FOCAD: variants seen among roughly 807,000 people sequenced by gnomAD.
The protein encoded by FOCAD is focadhesin.
In FOCAD, 198 loss-of-function variants were observed where a neutral mutation model predicts 225.6. The ratio of observed to expected loss-of-function variants is 0.88; its 90% confidence interval spans 0.78 to 0.99. The LOEUF (loss-of-function observed/expected upper bound fraction) is 0.99, where lower values mean the gene tolerates loss of function less well. Among genes scored for constraint, FOCAD ranks in the 50% least tolerant of loss-of-function variants. The pLI is 0.00. For missense variants in FOCAD, 2,713 were observed against 2,123.6 expected (o/e 1.28, Z -5.46); for synonymous variants, 897 against 755.0 (o/e 1.19, Z -3.08).
At position 20,866,917 on chromosome 9, in the gene FOCAD, T is replaced by TTTTAAACAA; in HGVS notation, c.2107-12_2107-11insTTTAAACAA. Reference sequence around the variant, plus strand: ...TTTTTTTTTTTTTTTTTTTTTTTTTTACCCTATCTAGGACCCAATTGTAGC... The same window carrying TTTTAAACAA: ...TTTTTTTTTTTTTTTTTTTTTTTTTTTTTAAACAAACCCTATCTAGGACCCAATTGTAGC... On this transcript the variant is annotated splice_polypyrimidine_tract_variant and intron_variant, in intron 17 of 43. Coordinates refer to ENST00000338382, the MANE Select transcript of FOCAD (RefSeq NM_001375567.1). 1 of 764,972 alleles carries TTTTAAACAA rather than the reference T, an allele frequency of 1.3e-6. No individual in the cohort carries two copies. 47.4% of individuals were successfully genotyped at this position (764,972 alleles called of 1,614,324 possible). A position where few individuals can be genotyped will look rare whatever the true frequency, so the allele number is the denominator to read the frequency against.
intron 15 of FOCAD, among the ~76,000 whole-genome samples, chr9:20,828,513 A>G (rs1485858502): frequency 5.9e-5 from 9 of 151,990 alleles, no homozygotes; most frequent in Non-Finnish European, 1.0e-4. Flanking sequence ...CTGCCAGACT[A>G]TTTTCCATAG....
chr9:20,727,586 T>G (rs1388577118), intron 4 of FOCAD, among the ~76,000 whole-genome samples: 1 of 152,196 alleles, frequency 6.6e-6, no homozygotes, highest in Non-Finnish European at 1.5e-5. Flanking sequence ...ACTGTTTATT[T>G]TGTCCGTGTC....
intron 5 of FOCAD, among the ~76,000 whole-genome samples, chr9:20,751,186 T>G (rs1828508739): frequency 6.6e-6 from 1 of 151,564 alleles, no homozygotes; most frequent in South Asian, 2.1e-4. Context: ...ATACTTTAAG[T>G]TTTAGGGTAC....
chr9:20,878,476 T>C (rs1830407883), intron 19 of FOCAD, among the ~76,000 whole-genome samples: 1 of 152,184 alleles, frequency 6.6e-6, no homozygotes. Context: ...ATAATTAACT[T>C]TCGAACTTCT....
At chr9:20,873,158 T>A (rs919596453) in intron 18 of FOCAD, among the ~76,000 whole-genome samples, 3 of 152,182 alleles carry the variant, frequency 2.0e-5, no homozygotes, top group African/African-American at 7.2e-5. Flanking sequence ...CATGATCATA[T>A]ATTTTCATTT....
At chr9:20,746,824 T>A (rs1348377534) in intron 5 of FOCAD, among the ~76,000 whole-genome samples, 4 of 152,232 alleles carry the variant, frequency 2.6e-5, no homozygotes, top group African/African-American at 9.6e-5. Context: ...GATCACCTGT[T>A]GCCTTTGGTT....
At chr9:20,972,000 G>T (rs1438573400) in intron 35 of FOCAD, among the ~76,000 whole-genome samples, 2 of 151,990 alleles carry the variant, frequency 1.3e-5, no homozygotes, top group African/African-American at 4.8e-5. Flanking sequence ...TCTTTCATCA[G>T]TGGACATTTG....
chr9:20,913,012 A>C (rs984907716), intron 23 of FOCAD, 58 bp downstream of exon 23: 13 of 1,395,936 alleles, frequency 9.3e-6, no homozygotes, highest in Non-Finnish European at 1.2e-5. Context: ...TATGAGGGGA[A>C]AGGTAACTAC....
Position 20,819,839 on chromosome 9 carries a change from C to A in FOCAD, c.1499C>A (p.Pro500Gln). The A allele has an allele frequency of 6.5e-7, 1 of 1,541,568 alleles. No individual in the cohort carries two copies. The highest frequency in any genetic ancestry group is 8.7e-7 in the Non-Finnish European group (1 of 1,146,356). Reference sequence around the variant, plus strand: ...GTTTTGATGTTCAAATTGGGAAGACCACTGGAACCTATATTATATAATGAT... The same window carrying A: ...GTTTTGATGTTCAAATTGGGAAGACAACTGGAACCTATATTATATAATGAT... ...IPVLMFKLGR[P>Q]LEPILYNDIL... The change falls in exon 12 of 44, where the codon CCA becomes CAA. Residue 500 changes from proline (P) to glutamine (Q), a missense_variant. Physicochemically the swap from Pro to Gln is moderately conservative, Grantham distance 76 (BLOSUM62 -1). Coordinates refer to ENST00000338382, the MANE Select transcript of FOCAD (RefSeq NM_001375567.1).
chr9:20,841,897 C>G (rs1052277124), intron 15 of FOCAD, among the ~76,000 whole-genome samples: 31 of 151,784 alleles, frequency 2.0e-4, no homozygotes, highest in African/African-American at 7.5e-4. Context: ...CTACTATTGA[C>G]TTCTATCTTA....
At chr9:20,673,072 C>T (rs1238093158) in intron 2 of FOCAD, among the ~76,000 whole-genome samples, 1 of 152,146 alleles carries the variant, frequency 6.6e-6, no homozygotes, top group African/African-American at 2.4e-5. Context: ...CAATGAATGT[C>T]TGAAAACCAC....
upstream of FOCAD, among the ~76,000 whole-genome samples, chr9:20,679,469 A>G (rs1052277868): frequency 2.6e-5 from 4 of 152,114 alleles, no homozygotes; most frequent in Non-Finnish European, 4.4e-5. Flanking sequence ...TGTGGGTGAC[A>G]TGACCTTCCT....
At chr9:20,818,712 T>C (rs1824001049) in intron 11 of FOCAD, among the ~76,000 whole-genome samples, 1 of 152,124 alleles carries the variant, frequency 6.6e-6, no homozygotes, top group African/African-American at 2.4e-5. Context: ...CTCTGAATTC[T>C]ATTTCATTGA....
intron 8 of FOCAD, among the ~76,000 whole-genome samples, chr9:20,773,421 A>G (rs1036705859): frequency 6.6e-6 from 1 of 152,190 alleles, no homozygotes; most frequent in Non-Finnish European, 1.5e-5. Context: ...CGGCCCAAGT[A>G]TTCTCTATTT....
intron 11 of FOCAD, among the ~76,000 whole-genome samples, chr9:20,815,926 A>T (rs1362948581): frequency 6.6e-6 from 1 of 152,124 alleles, no homozygotes; most frequent in African/African-American, 2.4e-5. Flanking sequence ...TTTTCCACAG[A>T]TGTCTATCTA....
intron 4 of FOCAD, among the ~76,000 whole-genome samples, chr9:20,725,513 G>A (rs943312655): frequency 6.6e-6 from 1 of 152,162 alleles, no homozygotes; most frequent in Non-Finnish European, 1.5e-5. Flanking sequence ...GTAGCTTATT[G>A]AATTTTTTCA....
chr9:20,801,843 G>A (rs1334117441), intron 11 of FOCAD, among the ~76,000 whole-genome samples: 1 of 152,110 alleles, frequency 6.6e-6, no homozygotes, highest in Non-Finnish European at 1.5e-5. Context: ...ATGATTTGGT[G>A]GATTTGGTGG....
rs769734551 is a variant in FOCAD at position 20,781,882 on chromosome 9, C to A, written c.1150C>A (p.Leu384Ile). 5 of 1,613,932 alleles carry A rather than the reference C, an allele frequency of 3.1e-6. No individual in the cohort carries two copies. The South Asian group carries it at 4.4e-5, about 14-fold the overall frequency. ...GPSRQQLALNLLEMIQQECYR... is the reference protein window; with the variant it reads ...GPSRQQLALNILEMIQQECYR... ...CTCTAGGCAGCAGTTGGCTCTAAAC[C>A]TTTTGGAAATGATACAGCAGGAATG... The change falls in exon 10 of 44, where the codon CTT (leucine) becomes ATT (isoleucine). Residue 384 changes from leucine (L) to isoleucine (I), a missense_variant. By Grantham distance (5) the Leu-to-Ile change is conservative. Coordinates refer to ENST00000338382, the MANE Select transcript of FOCAD (RefSeq NM_001375567.1).
chr9:20,770,024 T>G lies in FOCAD; in HGVS notation c.700-8T>G. ...TTTTTAATATCATATAATGACTTTT[T>G]TAAACAGGTAAAAGATTTGATACAG... On this transcript the variant is annotated splice_region_variant and splice_polypyrimidine_tract_variant and intron_variant, in intron 7 of 43. Transcript: ENST00000338382. The G allele has an allele frequency of 6.2e-7, 1 of 1,611,478 alleles. No homozygotes were observed. Among genetic ancestry groups the G allele is most frequent in the East Asian group, 2.2e-5 (1 of 44,830 alleles).
Sources: gnomAD v4.1 joint callset for allele counts (sites outside exome capture counted in the v4.1 genomes callset) on GRCh38, gnomAD v4.1.1 for gene constraint, MANE v1.5 for transcripts, NCBI Gene and HGNC (gene_info 2026-07-23, HGNC 2026-07-21) for gene names.